Variants in PTPRF observed in about 807,000 individuals in gnomAD.
PTPRF encodes receptor-type tyrosine-protein phosphatase F.
A neutral mutation model predicts 201.8 loss-of-function variants in PTPRF; 59 were observed. The observed-to-expected ratio is 0.29, with a 90% confidence interval of 0.24 to 0.36. The LOEUF (loss-of-function observed/expected upper bound fraction) is 0.36. Among genes scored for constraint, PTPRF ranks in the 10% least tolerant of loss-of-function variants. PTPRF has a pLI of 1.00. For synonymous variants in PTPRF, 1,088 were observed against 1,089.7 expected, an observed-to-expected ratio of 1.00 and a Z score of 0.03; for missense variants, 2,132 against 2,690.5, an observed-to-expected ratio of 0.79 and a Z score of 4.59.
chr1:43,621,344 A>T, intron 33 of PTPRF, 112 bp downstream of exon 33: 1 of 1,401,240 alleles, frequency 7.1e-7, no homozygotes. Flanking sequence ...CATGCTGCCA[A>T]CCTTTCACGT....
At chr1:43,539,490 C>T (rs907046711) in intron 2 of PTPRF, among the ~76,000 whole-genome samples, 1 of 152,148 alleles carries the variant, frequency 6.6e-6, no homozygotes, top group Non-Finnish European at 1.5e-5. Flanking sequence ...AACATCTGGA[C>T]GGGTGGCTGA....
intron 22 of PTPRF, chr1:43,613,313 AC>A: frequency 2.8e-6 from 1 of 356,504 alleles, no homozygotes. Context: ...TGGGCGTCCC[AC>A]CCCTCCTGGG....
intron 5 of PTPRF, among the ~76,000 whole-genome samples, chr1:43,564,412 C>T (rs1251595209): frequency 2.6e-5 from 4 of 152,300 alleles, no homozygotes; most frequent in African/African-American, 4.8e-5. Context: ...TGTCTCCAGG[C>T]GCACGTGTTT....
intron 3 of PTPRF, among the ~76,000 whole-genome samples, chr1:43,549,326 C>T (rs1281553486): frequency 1.3e-5 from 2 of 152,186 alleles, no homozygotes. Flanking sequence ...ACTGTGGGAT[C>T]TGGTCAGTGC....
chr1:43,617,892 G>A lies in PTPRF; in HGVS notation c.4352G>A (p.Arg1451Gln), dbSNP rs549116245. 12 of 1,609,950 alleles carry A rather than the reference G, an allele frequency of 7.5e-6. No homozygotes were observed. The highest frequency in any genetic ancestry group is 5.0e-5 in the Admixed American group (3 of 59,972). The change falls in exon 25 of 34, where the codon CGG becomes CAG. Residue 1451 changes from arginine to glutamine, a missense_variant. This residue lies in a region of PTPRF where 519 missense variants were observed against 659.5 expected (regional missense o/e 0.79). Coordinates refer to ENST00000359947, the MANE Select transcript of PTPRF (RefSeq NM_002840.5). ...ACGGCCACTGTGGTCATGATGACAC[G>A]GCTGGAGGAGAAGTCCCGGGTGAGG... is the stretch of plus-strand genomic sequence containing the variant. ...QRTATVVMMTRLEEKSRVKCD... is the reference protein window; with the variant it reads ...QRTATVVMMTQLEEKSRVKCD...
In PTPRF at chr1:43,531,696, C is replaced by T. The variant is rs1000279453; in HGVS notation, c.-126+606C>T. Reference sequence around the variant, plus strand: ...CCCCCACCCCCTTCGTTCGCGAGCACGGGATGGGGAGGGGCCGAACGGGCT... The same window carrying T: ...CCCCCACCCCCTTCGTTCGCGAGCATGGGATGGGGAGGGGCCGAACGGGCT... On this transcript the variant is annotated intron_variant, in intron 1 of 33. Coordinates refer to ENST00000359947, the MANE Select transcript of PTPRF (RefSeq NM_002840.5). 5.9e-5 allele frequency among the ~76,000 whole-genome samples: 9 copies of T among 152,122 alleles called. 1 individual carries two copies. The South Asian group carries it at 1.2e-3, about 21-fold the overall frequency.
At chr1:43,536,666 A>C (rs1335987084) in intron 1 of PTPRF, among the ~76,000 whole-genome samples, 2 of 152,184 alleles carry the variant, frequency 1.3e-5, no homozygotes, top group Non-Finnish European at 2.9e-5. Flanking sequence ...TGGGCCTTTA[A>C]GTTTGGGGCC....
chr1:43,525,597 G>A (rs1476445722), upstream of PTPRF, among the ~76,000 whole-genome samples: 1 of 151,996 alleles, frequency 6.6e-6, no homozygotes, highest in African/African-American at 2.4e-5. Flanking sequence ...GAGGTCAGGA[G>A]TTCAAGACCA....
At chr1:43,533,800 G>T (rs1254013683) in intron 1 of PTPRF, among the ~76,000 whole-genome samples, 1 of 152,136 alleles carries the variant, frequency 6.6e-6, no homozygotes, top group Non-Finnish European at 1.5e-5. Context: ...GGGGGAGCAG[G>T]TTGCACCATG....
At chr1:43,606,554 T>C (rs1431289133) in intron 20 of PTPRF, 96 bp downstream of exon 20, 3 of 1,276,034 alleles carry the variant, frequency 2.4e-6, no homozygotes, top group Non-Finnish European at 3.3e-6. Flanking sequence ...CAGGTCTTTA[T>C]CAGTTTGGGG....
chr1:43,588,665 C>G lies in PTPRF; in HGVS notation c.680-66C>G, dbSNP rs996095771. ...CAGAGGGGCTTCCTGAATGAGGGGC[C>G]CCTGCCCTTCCATGCAGTCGTGTGT... On this transcript the variant is annotated intron_variant, in intron 7 of 33. Coordinates refer to ENST00000359947, the MANE Select transcript of PTPRF (RefSeq NM_002840.5). The surrounding 1 kb of genome is among the most constrained non-coding windows in gnomAD (Gnocchi z 5.3). The G allele has an allele frequency of 1.8e-5, 28 of 1,579,184 alleles. No homozygotes were observed. The highest frequency in any genetic ancestry group is 2.3e-5 in the Non-Finnish European group (27 of 1,163,654).
At chr1:43,572,185 C>G (rs996125500) in intron 6 of PTPRF, among the ~76,000 whole-genome samples, 2 of 152,236 alleles carry the variant, frequency 1.3e-5, no homozygotes, top group Non-Finnish European at 2.9e-5. Flanking sequence ...GGCTCCAGTT[C>G]TGCTCAGCTA....
chr1:43,609,639 T>C, intron 22 of PTPRF, 141 bp downstream of exon 22: 1 of 636,374 alleles, frequency 1.6e-6, no homozygotes, highest in South Asian at 1.9e-5. Context: ...TCTGCCCTTC[T>C]CCCTGTGCTC....
upstream of PTPRF, among the ~76,000 whole-genome samples, chr1:43,523,419 G>A (rs1031735546): frequency 3.3e-5 from 5 of 152,184 alleles, no homozygotes; most frequent in African/African-American, 1.2e-4. Flanking sequence ...AGGCATGGGC[G>A]TCGAGGGACA....
chr1:43,606,249 G>A lies in PTPRF; in HGVS notation c.3493G>A (p.Ala1165Thr), dbSNP rs1183169145. 3.7e-6 allele frequency: 6 copies of A among 1,612,852 alleles called. No individual in the cohort carries two copies. The highest frequency in any genetic ancestry group is 5.1e-6 in the Non-Finnish European group (6 of 1,179,780). The change falls in exon 20 of 34, where the codon GCC becomes ACC. Residue 1165 changes from alanine (A) to threonine (T), a missense_variant. This residue lies in a region of PTPRF where 818 missense variants were observed against 915.3 expected (regional missense o/e 0.89). Coordinates refer to ENST00000359947, the MANE Select transcript of PTPRF (RefSeq NM_002840.5). ...TGCTCTGCTCTGCCAGCTTCTAGAA[G>A]CCATCGAGCAAGGCGGAGAGGAGCA... ...EELELDELLE[A>T]IEQGGEEQRR... is the part of the protein sequence containing the mutation.
intron 21 of PTPRF, among the ~76,000 whole-genome samples, chr1:43,608,682 TC>T (rs1169631314): frequency 6.6e-6 from 1 of 152,216 alleles, no homozygotes; most frequent in Non-Finnish European, 1.5e-5. Flanking sequence ...AGAGACAGTC[TC>T]GCACAGAGCA....
At position 43,605,019 on chromosome 1, in the gene PTPRF, C is replaced by A; in HGVS notation, c.3135+19C>A. 1 of 1,611,080 alleles carries A rather than the reference C, an allele frequency of 6.2e-7. No homozygotes were observed. The highest frequency in any genetic ancestry group is 8.5e-7 in the Non-Finnish European group (1 of 1,177,788). On this transcript the variant is annotated intron_variant, in intron 17 of 33. Coordinates refer to ENST00000359947, the MANE Select transcript of PTPRF (RefSeq NM_002840.5). ...CTTTAAGGTGAGTAAGGGCCACGGC[C>A]AGCTGAGCCTGGCACACACACAGGC...
chr1:43,544,999 G>A (rs1333128570), intron 2 of PTPRF, 32 bp from the exon 3 acceptor site: 5 of 1,323,344 alleles, frequency 3.8e-6, no homozygotes, highest in Non-Finnish European at 1.0e-6. Context: ...GTAAATACCA[G>A]CTAACTGGCT....
intron 6 of PTPRF, chr1:43,576,062 C>T (rs1646907508): frequency 4.2e-6 from 3 of 722,330 alleles, no homozygotes; most frequent in Admixed American, 2.3e-5. Flanking sequence ...CTCCAGCACC[C>T]CCAACACCAC....
Sources: gnomAD v4.1 joint callset for allele counts (sites outside exome capture counted in the v4.1 genomes callset) on GRCh38, gnomAD v4.1.1 for gene constraint, gnomAD v4.1.1 regional missense constraint, Gnocchi (gnomAD v3.1) non-coding constraint, MANE v1.5 for transcripts, NCBI Gene and HGNC (gene_info 2026-07-23, HGNC 2026-07-21) for gene names.